The following SLCO5A1 variants were observed in gnomAD, a reference collection of about 807,000 sequenced individuals.
The protein encoded by SLCO5A1 is solute carrier organic anion transporter family member 5A1.
SLCO5A1 carries 39 observed loss-of-function variants against 65.1 expected under a neutral mutation model. The ratio of observed to expected loss-of-function variants is 0.60; its 90% CI spans 0.46 to 0.78. SLCO5A1 has a LOEUF of 0.78. Ranked by LOEUF, SLCO5A1 falls within the 30% of genes least tolerant of loss-of-function variation. The probability of loss-of-function intolerance (pLI) is 0.00; values close to 1 mark genes in which losing one functional copy is unlikely to be tolerated. For synonymous variants in SLCO5A1, 438 were observed against 415.7 expected (o/e 1.05, Z -0.65); for missense variants, 1,029 against 1,069.4 (o/e 0.96, Z 0.53).
intron 2 of SLCO5A1, among the ~76,000 whole-genome samples, chr8:69,775,888 G>T (rs1043773174): frequency 6.6e-6 from 1 of 152,244 alleles, no homozygotes; most frequent in East Asian, 1.9e-4. Flanking sequence ...GGTGGTGGAT[G>T]CCTGTAGTCC....
intron 3 of SLCO5A1, among the ~76,000 whole-genome samples, chr8:69,759,484 C>T (rs1400181991): frequency 6.6e-6 from 1 of 152,060 alleles, no homozygotes; most frequent in African/African-American, 2.4e-5. Context: ...CTCACAATGA[C>T]CCTATGATAA....
At chr8:69,791,013 T>C (rs749302678) in intron 2 of SLCO5A1, among the ~76,000 whole-genome samples, 4 of 151,464 alleles carry the variant, frequency 2.6e-5, no homozygotes, top group Admixed American at 6.6e-5. Flanking sequence ...GTTACTTACA[T>C]AGAAAGAAGG....
In SLCO5A1 at chr8:69,716,036, A is replaced by AT. The variant is rs147561240; in HGVS notation, c.1424-10808dup. Among the ~76,000 whole-genome samples, 645 of 151,464 alleles carry AT rather than the reference A, an allele frequency of 4.3e-3. 4 individuals are homozygous for AT. The highest frequency in any genetic ancestry group is 0.014 in the African/African-American group (589 of 40,800). On this transcript the variant is annotated intron_variant, in intron 5 of 9. Coordinates refer to ENST00000260126, the MANE Select transcript of SLCO5A1 (RefSeq NM_030958.3). ...CAATCACCACCTAATTTCTACCTCC[A>AT]TAAGTGTGCCTGTTTGAGACCTTTC...
Position 69,786,757 on chromosome 8 carries a change from G to A in SLCO5A1, c.908-24882C>T, listed in dbSNP as rs372639387. ...AGAATCCCTCAAAAAATTATCTTGC[G>A]TAGAACTGTCTAGGTAATTGAGGAA... On this transcript the variant is annotated intron_variant, in intron 2 of 9. Coordinates refer to ENST00000260126, the MANE Select transcript of SLCO5A1 (RefSeq NM_030958.3). Among the ~76,000 whole-genome samples, 297 of 152,242 alleles carry A rather than the reference G, an allele frequency of 2.0e-3. 10 individuals are homozygous for A. The South Asian group carries it at 0.058, about 30-fold the overall frequency.
In SLCO5A1 at chr8:69,673,226, G is replaced by A; in HGVS notation, c.2190C>T (p.Asn730=). The A allele has an allele frequency of 1.9e-6, 3 of 1,614,208 alleles. No individual in the cohort carries two copies. Among genetic ancestry groups the A allele is most frequent in the South Asian group, 1.1e-5 (1 of 91,080 alleles). Residue 730 remains asparagine, a synonymous_variant, in exon 10 of 10, where the codon AAC becomes AAT. Transcript: ENST00000260126. ...CGVQGSCWEY[N]VTSFRFVYFG... is the part of the protein sequence containing the mutation. ...AATACACAAAACGAAACGACGTCAC[G>A]TTGTACTCCCAGCAAGAACCCTGCA...
chr8:69,708,637 C>T (rs578140248), intron 5 of SLCO5A1, among the ~76,000 whole-genome samples: 1 of 151,764 alleles, frequency 6.6e-6, no homozygotes, highest in African/African-American at 2.4e-5. Context: ...AGGCATGGGG[C>T]TCATGCCTGT....
intron 2 of SLCO5A1, among the ~76,000 whole-genome samples, chr8:69,782,856 C>T (rs1166039153): frequency 1.3e-5 from 2 of 152,100 alleles, no homozygotes; most frequent in African/African-American, 4.8e-5. Flanking sequence ...TATTCAGTTT[C>T]CTCAGGGCAA....
chr8:69,752,608 C>T (rs1302487464), intron 4 of SLCO5A1, among the ~76,000 whole-genome samples: 1 of 151,522 alleles, frequency 6.6e-6, no homozygotes, highest in Non-Finnish European at 1.5e-5. Flanking sequence ...TCTAATTGAA[C>T]ATCATTTTAT....
chr8:69,747,086 C>T (rs1354748028), intron 4 of SLCO5A1, among the ~76,000 whole-genome samples: 1 of 152,236 alleles, frequency 6.6e-6, no homozygotes, highest in African/African-American at 2.4e-5. Flanking sequence ...CCAACAAAGG[C>T]TGTGGCCTAG....
chr8:69,736,272 C>A (rs1185481571), intron 5 of SLCO5A1, among the ~76,000 whole-genome samples: 1 of 152,230 alleles, frequency 6.6e-6, no homozygotes, highest in Non-Finnish European at 1.5e-5. Flanking sequence ...CCAGCTCCAA[C>A]TGAACCCTTT....
At chr8:69,726,513 T>TG (rs1279679007) in intron 5 of SLCO5A1, among the ~76,000 whole-genome samples, 46 of 143,188 alleles carry the variant, frequency 3.2e-4, no homozygotes, top group Admixed American at 8.2e-4. Flanking sequence ...TTTTTTTTTT[T>TG]TGGGGGGACA....
At chr8:69,694,717 A>G (rs1814424879) in intron 6 of SLCO5A1, among the ~76,000 whole-genome samples, 1 of 152,226 alleles carries the variant, frequency 6.6e-6, no homozygotes, top group Admixed American at 6.5e-5. Flanking sequence ...TCTAGACTGT[A>G]TTCCTAGGAC....
chr8:69,789,564 A>C (rs938287121), intron 2 of SLCO5A1, among the ~76,000 whole-genome samples: 1 of 152,194 alleles, frequency 6.6e-6, no homozygotes, highest in African/African-American at 2.4e-5. Context: ...CAGGTCAAAG[A>C]ATTCAAAACA....
intron 5 of SLCO5A1, among the ~76,000 whole-genome samples, chr8:69,723,927 A>C (rs1395511197): frequency 3.3e-5 from 5 of 152,042 alleles, no homozygotes; most frequent in Non-Finnish European, 7.4e-5. Context: ...TGTGCACCAC[A>C]TATCCAGCTA....
rs149846116 is a variant in SLCO5A1 at position 69,741,683 on chromosome 8, A to G, written c.1259-3479T>C. Among the ~76,000 whole-genome samples the G allele has an allele frequency of 3.8e-3, 586 of 152,354 alleles. 1 individual carries two copies. The highest frequency in any genetic ancestry group is 5.6e-3 in the Non-Finnish European group (381 of 68,032). On this transcript the variant is annotated intron_variant, in intron 4 of 9. Coordinates refer to ENST00000260126, the MANE Select transcript of SLCO5A1 (RefSeq NM_030958.3). ...ATTAACACTATATGTCTCTGCTCCT[A>G]TGTACTGAGCATAGCATCATTTCAG...
At chr8:69,711,275 A>G (rs1056506541) in intron 5 of SLCO5A1, among the ~76,000 whole-genome samples, 1 of 152,020 alleles carries the variant, frequency 6.6e-6, no homozygotes, top group Non-Finnish European at 1.5e-5. Context: ...CTCTGTCCCC[A>G]GGTCCCAAAG....
chr8:69,827,363 A>G (rs1362057940), intron 2 of SLCO5A1, among the ~76,000 whole-genome samples: 1 of 152,180 alleles, frequency 6.6e-6, no homozygotes, highest in South Asian at 2.1e-4. Flanking sequence ...ATTAATACCT[A>G]CAAAGCTTTC....
In SLCO5A1 at chr8:69,832,389, A is replaced by G. The variant is rs1306606260; in HGVS notation, c.285T>C (p.Cys95=). The stretch of plus-strand genomic sequence containing the variant: ...TTTTGCTGAGGTCCACCCTGTGGTT[A>G]CAGTCCCCGAGCCCCGCCGAAGTGG... ...APSTSAGLGD[C]NHRVDLSKTF... The change falls in exon 2 of 10, where the codon TGT becomes TGC. Residue 95 remains cysteine (C), a synonymous_variant. Coordinates refer to ENST00000260126, the MANE Select transcript of SLCO5A1 (RefSeq NM_030958.3). The surrounding 1 kb of genome is among the most constrained non-coding windows in gnomAD (Gnocchi z 4.5). 1.9e-6 allele frequency: 3 copies of G among 1,612,716 alleles called. No individual in the cohort carries two copies. Among genetic ancestry groups the G allele is most frequent in the Non-Finnish European group, 2.5e-6 (3 of 1,179,474 alleles).
At chr8:69,782,287 A>G (rs1008530746) in intron 2 of SLCO5A1, among the ~76,000 whole-genome samples, 1 of 152,160 alleles carries the variant, frequency 6.6e-6, no homozygotes. Context: ...AAGGTTAAAA[A>G]AATAGATAAT....
Sources: gnomAD v4.1 joint callset for allele counts (sites outside exome capture counted in the v4.1 genomes callset) on GRCh38, gnomAD v4.1.1 for gene constraint, Gnocchi (gnomAD v3.1) non-coding constraint, MANE v1.5 for transcripts, NCBI Gene and HGNC (gene_info 2026-07-23, HGNC 2026-07-21) for gene names.